Variants in ACACA observed in about 807,000 individuals in gnomAD.
ACACA encodes acetyl-CoA carboxylase alpha.
ACACA carries 103 observed loss-of-function variants against 296.1 expected under a neutral mutation model. The observed-to-expected ratio is 0.35, with a 90% confidence interval of 0.30 to 0.41. The LOEUF (loss-of-function observed/expected upper bound fraction) is 0.41, where lower values mean the gene tolerates loss of function less well. ACACA is among the 10% of genes least tolerant of loss of function. The pLI is 1.00. For missense variants in ACACA, 1,554 were observed against 2,989.7 expected (o/e 0.52, Z 11.20); for synonymous variants, 953 against 1,038.6 (o/e 0.92, Z 1.58).
chr17:37,157,864 A>G (rs965157997), intron 42 of ACACA, among the ~76,000 whole-genome samples: 1 of 152,090 alleles, frequency 6.6e-6, no homozygotes, highest in Admixed American at 6.6e-5. Flanking sequence ...TCTGTTGAGA[A>G]CAGACCTTGG....
At chr17:37,397,490 T>A (rs1174855985) in intron 1 of ACACA, among the ~76,000 whole-genome samples, 1 of 152,154 alleles carries the variant, frequency 6.6e-6, no homozygotes, top group Non-Finnish European at 1.5e-5. Flanking sequence ...GTAAGCTTTA[T>A]TTTTATATCA....
chr17:37,111,522 C>T lies in ACACA; in HGVS notation c.6565+9G>A, dbSNP rs2073971066. 1.2e-6 allele frequency: 2 copies of T among 1,604,312 alleles called. No individual in the cohort carries two copies. Among genetic ancestry groups the T allele is most frequent in the African/African-American group, 2.7e-5 (2 of 74,802 alleles). On this transcript the variant is annotated intron_variant, in intron 52 of 55. Coordinates refer to ENST00000616317, the MANE Select transcript of ACACA (RefSeq NM_198834.3). ...CTCATTGATTTGCCAGAAGGACAAGCAGACATACCCAATCGCTCAGCCAAG... is the reference window on the plus strand; with the variant it reads ...CTCATTGATTTGCCAGAAGGACAAGTAGACATACCCAATCGCTCAGCCAAG...
At chr17:37,329,016 C>G (rs915059592) in intron 3 of ACACA, 16 of 398,428 alleles carry the variant, frequency 4.0e-5, no homozygotes, top group African/African-American at 2.9e-4. Flanking sequence ...AGGTTAGTAT[C>G]TCACACGCTA....
In ACACA at chr17:37,240,500, G is replaced by A. The variant is rs1250989995; in HGVS notation, c.3097C>T (p.Arg1033Ter). The stretch of plus-strand genomic sequence containing the variant: ...CCATTCTGGAATTGTGTCTCTACTC[G>A]CAGGTACTGCCGGAGCAGATCCATC... ...VVMDLLRQYL[R>*]VETQFQNGHY... The change falls in exon 24 of 56, where the codon CGA becomes TGA. Residue 1033 changes from arginine (R) to a stop codon, truncating the protein, a stop_gained. Transcript: ENST00000616317. LOFTEE classifies it high-confidence loss of function. 6.2e-7 allele frequency: 1 copy of A among 1,613,684 alleles called. No individual in the cohort carries two copies. The highest frequency in any genetic ancestry group is 1.3e-5 in the African/African-American group (1 of 75,014).
At chr17:37,133,467 CCTAA>C (rs1343062898) in intron 45 of ACACA, among the ~76,000 whole-genome samples, 4 of 152,132 alleles carry the variant, frequency 2.6e-5, no homozygotes. Flanking sequence ...ATCCATTCTG[CCTAA>C]CTGTGAAATG....
chr17:37,128,853 C>T (rs2074953965), intron 47 of ACACA, among the ~76,000 whole-genome samples: 1 of 152,124 alleles, frequency 6.6e-6, no homozygotes, highest in Non-Finnish European at 1.5e-5. Context: ...AAGCAAGTAC[C>T]AATACCATTA....
chr17:37,108,280 C>T (rs2073797519), intron 52 of ACACA, among the ~76,000 whole-genome samples: 1 of 152,002 alleles, frequency 6.6e-6, no homozygotes. Flanking sequence ...CCAAACTAAC[C>T]ATGTAAGATG....
intron 1 of ACACA, among the ~76,000 whole-genome samples, chr17:37,394,270 GTT>G (rs2050998693): frequency 6.6e-6 from 1 of 151,278 alleles, no homozygotes; most frequent in African/African-American, 2.4e-5. Context: ...GAGTGCAATG[GTT>G]CAATCTCAGC....
intron 36 of ACACA, 59 bp downstream of exon 36, chr17:37,193,315 C>T: frequency 7.5e-7 from 1 of 1,332,818 alleles, no homozygotes; most frequent in Non-Finnish European, 1.1e-6. Flanking sequence ...ATAAGCCGCT[C>T]TTGGGCTTTT....
intron 6 of ACACA, among the ~76,000 whole-genome samples, 153 bp downstream of exon 6, chr17:37,277,743 T>C (rs1168479643): frequency 6.6e-6 from 1 of 152,234 alleles, no homozygotes. Flanking sequence ...TTTCCATCTT[T>C]CTTTTCCTTA....
At chr17:37,326,760 T>C (rs1227311699) in intron 3 of ACACA, among the ~76,000 whole-genome samples, 1 of 149,316 alleles carries the variant, frequency 6.7e-6, no homozygotes, top group African/African-American at 2.5e-5. Context: ...ACCTGGGAAG[T>C]GAAGGTTGCA....
rs565123725 is a variant in ACACA, at chr17:37,389,686, CA to C, written c.38+16575del. 2.8e-4 allele frequency among the ~76,000 whole-genome samples: 39 copies of C among 138,020 alleles called. No individual in the cohort carries two copies. In the South Asian group the frequency reaches 4.4e-3, roughly 16 times the overall value. The allele number at this position is 138,020 out of a possible 152,430, so 90.5% of individuals were successfully genotyped here. On this transcript the variant is annotated intron_variant, in intron 1 of 55. Transcript: ENST00000616317. ...TGGGCAACAGAGTAAGACTCTGTCT[CA>C]AAAAAAAAAGAAAGAAAAAAAGAAA...
At chr17:37,241,230 T>C (rs1567867022) in intron 23 of ACACA, among the ~76,000 whole-genome samples, 2 of 150,744 alleles carry the variant, frequency 1.3e-5, no homozygotes, top group Non-Finnish European at 3.0e-5. Context: ...TAAATAAATA[T>C]GCTCTGTGAA....
intron 3 of ACACA, among the ~76,000 whole-genome samples, chr17:37,285,854 T>G (rs746984849): frequency 6.6e-6 from 1 of 152,064 alleles, no homozygotes; most frequent in Non-Finnish European, 1.5e-5. Flanking sequence ...GAAATTGGTA[T>G]GTATTTTACA....
chr17:37,342,846 T>G (rs2147359839), intron 1 of ACACA, among the ~76,000 whole-genome samples: 1 of 151,372 alleles, frequency 6.6e-6, no homozygotes, highest in East Asian at 1.9e-4. Flanking sequence ...GAGGCTGAAG[T>G]GGGAGGATCA....
chr17:37,299,950 G>A (rs867015489), intron 3 of ACACA, among the ~76,000 whole-genome samples: 6 of 152,162 alleles, frequency 3.9e-5, no homozygotes, highest in African/African-American at 1.4e-4. Flanking sequence ...GGGAAAAGCA[G>A]GTCAGGTGGG....
At chr17:37,240,830 T>C (rs1446633153) in intron 23 of ACACA, among the ~76,000 whole-genome samples, 1 of 152,164 alleles carries the variant, frequency 6.6e-6, no homozygotes, top group Non-Finnish European at 1.5e-5. Flanking sequence ...TACTGCTAAG[T>C]AGAAATTATT....
intron 1 of ACACA, among the ~76,000 whole-genome samples, chr17:37,389,739 T>G (rs1243950100): frequency 1.3e-5 from 2 of 151,438 alleles, no homozygotes; most frequent in East Asian, 3.9e-4. Flanking sequence ...AATATATAAG[T>G]GCTAGGAGAT....
At chr17:37,090,734 C>G (rs2072563750) in intron 54 of ACACA, among the ~76,000 whole-genome samples, 1 of 152,114 alleles carries the variant, frequency 6.6e-6, no homozygotes, top group African/African-American at 2.4e-5. Flanking sequence ...TGCTGCACGC[C>G]CCACATATGG....
Sources: allele counts gnomAD v4.1 joint callset (sites outside exome capture counted in the v4.1 genomes callset), GRCh38; gene constraint gnomAD v4.1.1; transcripts MANE v1.5; gene names NCBI Gene and HGNC (gene_info 2026-07-23, HGNC 2026-07-21).